Variants in RRP7A observed in about 807,000 individuals in gnomAD.
The protein encoded by RRP7A is ribosomal RNA processing 7 homolog A.
A neutral mutation model predicts 38.4 loss-of-function variants in RRP7A; 27 were observed. That is an observed-to-expected ratio of 0.70 (90% CI 0.52 to 0.97). RRP7A has a LOEUF of 0.97. Among genes scored for constraint, RRP7A ranks in the 50% least tolerant of loss-of-function variants. The pLI is 0.00. For missense variants in RRP7A, 327 were observed against 375.4 expected (o/e 0.87, Z 1.07); for synonymous variants, 124 against 150.3 (o/e 0.83, Z 1.28).
Position 42,509,819 on chromosome 22 carries a change from G to GA in RRP7A, c.*3090dup, listed in dbSNP as rs1932389697. On this transcript the variant is annotated 3_prime_UTR_variant, in exon 7 of 7. Coordinates refer to ENST00000323013, the MANE Select transcript of RRP7A (RefSeq NM_015703.5). ...ACAAAGCCAGGTCATGGTTGCTCAG[G>GA]ACCGGAAGCCTGTTGGGGGTGGGGG... The GA allele has an allele frequency of 7.3e-6, 1 of 136,434 alleles. No individual in the cohort carries two copies. Among genetic ancestry groups the GA allele is most frequent in the East Asian group, 2.4e-4 (1 of 4,248 alleles). 8.5% of individuals were successfully genotyped at this position (136,434 alleles called of 1,614,324 possible). A position where few individuals can be genotyped will look rare whatever the true frequency, so the allele number is the denominator to read the frequency against.
At position 42,512,692 on chromosome 22, in the gene RRP7A, CG is replaced by C; in HGVS notation, c.*217del. ...AAGCAGGAAGGACAAGTCCTCCTCT[CG>C]GCACGCCTGGGTCCCCAGGACTGCT... is the stretch of plus-strand genomic sequence containing the variant. On this transcript the variant is annotated 3_prime_UTR_variant, in exon 7 of 7. Coordinates refer to ENST00000323013, the MANE Select transcript of RRP7A (RefSeq NM_015703.5). 1.6e-6 allele frequency: 1 copy of C among 611,664 alleles called. No individual in the cohort carries two copies. The highest frequency in any genetic ancestry group is 2.8e-5 in the East Asian group (1 of 36,114). 37.9% of individuals were successfully genotyped at this position (611,664 alleles called of 1,614,324 possible).
rs550081398 is a variant in RRP7A at position 42,509,294 on chromosome 22, G to A, written c.*3616C>T. Among the ~76,000 whole-genome samples the A allele has an allele frequency of 6.6e-6, 1 of 151,430 alleles. No homozygotes were observed. The highest frequency in any genetic ancestry group is 2.1e-4 in the South Asian group (1 of 4,824). Reference sequence around the variant, plus strand: ...CATGGAAGGAGGAAGGTCAGAGGAGGGGAGGGCTCAGGCAGCAGGGGATGG... The same window carrying A: ...CATGGAAGGAGGAAGGTCAGAGGAGAGGAGGGCTCAGGCAGCAGGGGATGG... On this transcript the variant is annotated 3_prime_UTR_variant, in exon 7 of 7. Transcript: ENST00000323013.
Position 42,516,141 on chromosome 22 carries a change from C to T in RRP7A, c.217-5G>A, listed in dbSNP as rs770435858. Reference sequence around the variant, plus strand: ...CAGGAGGCGGGACAGGCTCTCCTGCCGCAGGGAGAGGGAAGCCAAGTGTGA... The same window carrying T: ...CAGGAGGCGGGACAGGCTCTCCTGCTGCAGGGAGAGGGAAGCCAAGTGTGA... On this transcript the variant is annotated splice_polypyrimidine_tract_variant and splice_region_variant and intron_variant, in intron 2 of 6. Coordinates refer to ENST00000323013, the MANE Select transcript of RRP7A (RefSeq NM_015703.5). 2.3e-5 allele frequency: 37 copies of T among 1,612,526 alleles called. No homozygotes were observed. The highest frequency in any genetic ancestry group is 1.6e-4 in the Middle Eastern group (1 of 6,080).
intron 1 of RRP7A, 78 bp downstream of exon 1, chr22:42,519,635 AC>A: frequency 9.0e-6 from 11 of 1,217,114 alleles, no homozygotes; most frequent in South Asian, 1.9e-5. Context: ...GCTCCTGGGG[AC>A]CCCCGGCCGT....
intron 3 of RRP7A, 83 bp downstream of exon 3, chr22:42,515,928 G>A: frequency 1.4e-6 from 2 of 1,475,684 alleles, no homozygotes; most frequent in South Asian, 1.3e-5. Context: ...ATGCTCTGAT[G>A]TCCCACTGCC....
chr22:42,509,049 G>T lies in RRP7A; in HGVS notation c.*3861C>A, dbSNP rs56365446. 1.9e-6 allele frequency: 3 copies of T among 1,578,544 alleles called. No homozygotes were observed. In the African/African-American group the frequency reaches 4.0e-5, roughly 21 times the overall value. ...GCAGGCAGAGAACAGCATTGACTTC[G>T]TCAGCAGGGAGCTGTGTGCGCATTC... On this transcript the variant is annotated 3_prime_UTR_variant, in exon 7 of 7. Transcript: ENST00000323013.
intron 1 of RRP7A, 148 bp from the exon 2 acceptor site, chr22:42,518,295 C>T (rs1920936820): frequency 9.4e-6 from 7 of 745,400 alleles, no homozygotes; most frequent in South Asian, 8.4e-5. Context: ...CCTTACCCTA[C>T]TCTTTGGCAA....
chr22:42,519,423 G>A (rs1920941263), intron 1 of RRP7A, among the ~76,000 whole-genome samples: 1 of 152,224 alleles, frequency 6.6e-6, no homozygotes, highest in Non-Finnish European at 1.5e-5. Flanking sequence ...TGGACGAGCG[G>A]GTGTGGACGG....
rs1455273122 is a variant in RRP7A, at chr22:42,508,612, A to G, written c.*4298T>C. Among the ~76,000 whole-genome samples, 8 of 152,160 alleles carry G rather than the reference A, an allele frequency of 5.3e-5. No homozygotes were observed. Among genetic ancestry groups the G allele is most frequent in the African/African-American group, 1.9e-4 (8 of 41,412 alleles). On this transcript the variant is annotated 3_prime_UTR_variant, in exon 7 of 7. Coordinates refer to ENST00000323013, the MANE Select transcript of RRP7A (RefSeq NM_015703.5). ...CAGCAAGTTTCTTTCTCCTGGCAAG[A>G]AGCCTGTCCCAGGCTGGCAGGGGAC...
chr22:42,509,848 G>GTGTGTGTGTGTGTGTGTGTGTGT lies in RRP7A; in HGVS notation c.*3061_*3062insACACACACACACACACACACACA, dbSNP rs1555985839. 1 of 25,742 alleles carries GTGTGTGTGTGTGTGTGTGTGTGT rather than the reference G, an allele frequency of 3.9e-5. No homozygotes were observed. Among genetic ancestry groups the GTGTGTGTGTGTGTGTGTGTGTGT allele is most frequent in the African/African-American group, 9.1e-4 (1 of 1,094 alleles). 1.6% of individuals were successfully genotyped at this position (25,742 alleles called of 1,614,324 possible). A position where few individuals can be genotyped will look rare whatever the true frequency, so the allele number is the denominator to read the frequency against. On this transcript the variant is annotated 3_prime_UTR_variant, in exon 7 of 7. Transcript: ENST00000323013. ...GGAAGCCTGTTGGGGGTGGGGGGGT[G>GTGTGTGTGTGTGTGTGTGTGTGT]GGGTGTGTGTGTGTGTGTGTAAGCT...
At position 42,511,866 on chromosome 22, in the gene RRP7A, C is replaced by T; in HGVS notation, c.*1044G>A. On this transcript the variant is annotated 3_prime_UTR_variant, in exon 7 of 7. Coordinates refer to ENST00000323013, the MANE Select transcript of RRP7A (RefSeq NM_015703.5). ...ACCCTGGCCTCGGCCCTGCCCTGTC[C>T]CTGCCATGCAACTTCACAACTCAGC... is the stretch of plus-strand genomic sequence containing the variant. The T allele has an allele frequency of 3.6e-6, 2 of 555,220 alleles. No individual in the cohort carries two copies. Among genetic ancestry groups the T allele is most frequent in the Non-Finnish European group, 6.6e-6 (2 of 304,116 alleles). 34.4% of individuals were successfully genotyped at this position (555,220 alleles called of 1,614,324 possible).
At chr22:42,513,696 GACACAC>G (rs68114688) in intron 6 of RRP7A, among the ~76,000 whole-genome samples, 1 of 140,408 alleles carries the variant, frequency 7.1e-6, no homozygotes, top group East Asian at 2.2e-4. Flanking sequence ...CCACCTGACA[GACACAC>G]ACACACACAC....
chr22:42,509,376 G>C lies in RRP7A; in HGVS notation c.*3534C>G, dbSNP rs1368489946. ...TCAGCGGGGGGCATGCCCAGGTAAG[G>C]CTCCATAACCAGTGAGCCCAGTCTC... is the stretch of plus-strand genomic sequence containing the variant. On this transcript the variant is annotated 3_prime_UTR_variant, in exon 7 of 7. Transcript: ENST00000323013. Among the ~76,000 whole-genome samples, 2 of 150,786 alleles carry C rather than the reference G, an allele frequency of 1.3e-5. No individual in the cohort carries two copies. The highest frequency in any genetic ancestry group is 4.8e-5 in the African/African-American group (2 of 41,262).
intron 1 of RRP7A, among the ~76,000 whole-genome samples, chr22:42,518,894 A>G (rs1340976573): frequency 1.3e-5 from 2 of 151,986 alleles, no homozygotes; most frequent in African/African-American, 4.8e-5. Context: ...GGAGAAGACA[A>G]TTAACAAGCA....
In RRP7A at chr22:42,510,813, C is replaced by T. The variant is rs2146616210; in HGVS notation, c.*2097G>A. ...ATCTCTTCTCATGCACTGGGAAAGA[C>T]CCCTGGTCTGCCCCCAGGCCCAACA... On this transcript the variant is annotated 3_prime_UTR_variant, in exon 7 of 7. Transcript: ENST00000323013. The T allele has an allele frequency of 7.8e-7, 1 of 1,289,106 alleles. No individual in the cohort carries two copies. Among genetic ancestry groups the T allele is most frequent in the Non-Finnish European group, 1.0e-6 (1 of 1,004,186 alleles). 79.9% of individuals were successfully genotyped at this position (1,289,106 alleles called of 1,614,324 possible). A position where few individuals can be genotyped will look rare whatever the true frequency, so the allele number is the denominator to read the frequency against.
chr22:42,510,376 C>T lies in RRP7A; in HGVS notation c.*2534G>A. ...TCTGCTGTTCAGGGCTGACTGTGAC[C>T]AAGTCCTGAACTCCCTGCGCCCCAG... On this transcript the variant is annotated 3_prime_UTR_variant, in exon 7 of 7. Transcript: ENST00000323013. The T allele has an allele frequency of 5.0e-6, 1 of 201,126 alleles. No individual in the cohort carries two copies. The highest frequency in any genetic ancestry group is 1.3e-4 in the East Asian group (1 of 7,892). The allele number at this position is 201,126 out of a possible 1,614,324, so 12.5% of individuals were successfully genotyped here.
Position 42,517,853 on chromosome 22 carries a change from A to G in RRP7A, c.216+152T>C, listed in dbSNP as rs567354283. The G allele has an allele frequency of 6.9e-4, 616 of 888,332 alleles. 5 individuals carry two copies. The African/African-American group carries it at 9.4e-3, about 14-fold the overall frequency. The allele number at this position is 888,332 out of a possible 1,614,324, so 55.0% of individuals were successfully genotyped here. ...CTTTTAAAGACATCTTTAAAAAGCC[A>G]GTTTCCTGACTGGAGATCACGGTAG... is the stretch of plus-strand genomic sequence containing the variant. On this transcript the variant is annotated intron_variant, in intron 2 of 6. Transcript: ENST00000323013.
rs376375797 is a variant in RRP7A, at chr22:42,512,976, C to T, written c.777G>A (p.Lys259=). 1 of 1,613,130 alleles carries T rather than the reference C, an allele frequency of 6.2e-7. No homozygotes were observed. Among genetic ancestry groups the T allele is most frequent in the South Asian group, 1.1e-5 (1 of 91,020 alleles). Residue 259 remains lysine, a synonymous_variant, in exon 7 of 7, where the codon AAG becomes AAA. Transcript: ENST00000323013. ...SKMEHLAQLR[K]KFEEDKQRIE... is the part of the protein sequence containing the mutation. ...TCCTCTGCTTGTCCTCCTCGAACTT[C>T]TTGCGCAGCTGCGCTAGATCTGGGG...
intron 1 of RRP7A, chr22:42,518,732 T>A: frequency 2.1e-6 from 1 of 470,984 alleles, no homozygotes; most frequent in South Asian, 1.5e-5. Flanking sequence ...CTGGAGGCTA[T>A]ATTGATGAGA....
Sources: gnomAD v4.1 joint callset for allele counts (sites outside exome capture counted in the v4.1 genomes callset) on GRCh38, gnomAD v4.1.1 for gene constraint, MANE v1.5 for transcripts, NCBI Gene and HGNC (gene_info 2026-07-23, HGNC 2026-07-21) for gene names.